MTMR3: variants seen among roughly 807,000 people sequenced by gnomAD.
The protein encoded by MTMR3 is phosphatidylinositol-3,5-bisphosphate 3-phosphatase MTMR3.
A neutral mutation model predicts 132.4 loss-of-function variants in MTMR3; 32 were observed. That is an observed-to-expected ratio of 0.24 (90% confidence interval 0.18 to 0.32). The LOEUF (loss-of-function observed/expected upper bound fraction) is 0.32. MTMR3 is among the 10% of genes least tolerant of loss of function. The pLI, the probability that MTMR3 is intolerant of heterozygous loss-of-function variation, is 1.00. For missense variants in MTMR3, 1,216 were observed against 1,489.6 expected (o/e 0.82, Z 3.02); for synonymous variants, 556 against 550.3 (o/e 1.01, Z -0.14).
chr22:29,898,231 A>C (rs2064940470), intron 1 of MTMR3, among the ~76,000 whole-genome samples: 1 of 152,232 alleles, frequency 6.6e-6, no homozygotes, highest in Non-Finnish European at 1.5e-5. Flanking sequence ...GTTTTCAACA[A>C]ATATACAAAG....
chr22:29,962,910 C>CTTTTTTTTT (rs892383539), intron 2 of MTMR3, among the ~76,000 whole-genome samples: 2 of 133,622 alleles, frequency 1.5e-5, no homozygotes, highest in African/African-American at 2.8e-5. Context: ...TCTCTTTTTT[C>CTTTTTTTTT]TTTTTTTTTT....
chr22:29,952,411 T>TG lies in MTMR3; in HGVS notation c.-137-4625_-137-4624insG, dbSNP rs962546655. ...ACATAGCTTCTGGTGTGTGTGTGTG[T>TG]TTTTTTTTTTAAAATCATGTTAGTT... is the stretch of plus-strand genomic sequence containing the variant. On this transcript the variant is annotated intron_variant, in intron 1 of 19. Coordinates refer to ENST00000401950, the MANE Select transcript of MTMR3 (RefSeq NM_021090.4). Among the ~76,000 whole-genome samples the TG allele has an allele frequency of 4.3e-4, 26 of 60,196 alleles. 1 individual carries two copies. The South Asian group carries it at 4.5e-3, about 10-fold the overall frequency. 39.5% of individuals were successfully genotyped at this position (60,196 alleles called of 152,430 possible).
intron 5 of MTMR3, chr22:29,980,930 T>G (rs3788420): frequency 0.35 from 53,556 of 152,002 alleles, 10,423 homozygotes; most frequent in East Asian, 0.72. Context: ...CTTTCCCCAT[T>G]ATCACATTTT....
In MTMR3 at chr22:30,020,629, C is replaced by A; in HGVS notation, c.2970C>A (p.His990Gln). 1.9e-6 allele frequency: 3 copies of A among 1,614,224 alleles called. No individual in the cohort carries two copies. The highest frequency in any genetic ancestry group is 2.5e-6 in the Non-Finnish European group (3 of 1,180,042). ...CCCACTTACACTCAAGGAACTTGCA[C>A]CACAAGTGGCTGCATAGCCACTCAG... ...SSAHLHSRNLHHKWLHSHSGR... is the reference protein window; with the variant it reads ...SSAHLHSRNLQHKWLHSHSGR... The change falls in exon 17 of 20, where the codon CAC becomes CAA. Residue 990 changes from histidine to glutamine, a missense_variant. By Grantham distance (24) the His-to-Gln change is conservative. Around this residue, in one of 7 missense-constraint regions of MTMR3, gnomAD observed 852 missense variants for 852.0 expected, o/e 1.00. Transcript: ENST00000401950.
rs986651359 is a variant in MTMR3, at chr22:29,949,066, C to G, written c.-137-7970C>G. Reference sequence around the variant, plus strand: ...TGAGCCACAATCATGCCACTGCACTCTAGCCTGGGCGACAGCGAGGCCCTG... The same window carrying G: ...TGAGCCACAATCATGCCACTGCACTGTAGCCTGGGCGACAGCGAGGCCCTG... On this transcript the variant is annotated intron_variant, in intron 1 of 19. Coordinates refer to ENST00000401950, the MANE Select transcript of MTMR3 (RefSeq NM_021090.4). Among the ~76,000 whole-genome samples the G allele has an allele frequency of 2.7e-5, 4 of 146,902 alleles. No homozygotes were observed. The South Asian group carries it at 8.8e-4, about 32-fold the overall frequency.
intron 4 of MTMR3, 127 bp downstream of exon 4, chr22:29,978,658 C>T (rs1381299171): frequency 1.5e-5 from 11 of 710,902 alleles, no homozygotes; most frequent in Admixed American, 3.0e-5. Flanking sequence ...GAAATGCAAG[C>T]TGGAAAACAT....
chr22:29,970,664 T>C (rs1220894430), intron 2 of MTMR3, among the ~76,000 whole-genome samples: 1 of 152,072 alleles, frequency 6.6e-6, no homozygotes, highest in Non-Finnish European at 1.5e-5. Flanking sequence ...ATTGTTGCTT[T>C]ATTCATCCAA....
intron 5 of MTMR3, chr22:29,979,554 T>G: frequency 4.9e-6 from 1 of 204,520 alleles, no homozygotes; most frequent in Admixed American, 5.6e-5. Flanking sequence ...TATGCTTGAT[T>G]TAAAATGATG....
intron 19 of MTMR3, chr22:30,025,134 C>T (rs2067881137): frequency 6.2e-6 from 1 of 162,494 alleles, no homozygotes; most frequent in Admixed American, 5.8e-5. Context: ...AGCAGTCTAT[C>T]TGCCATGTTG....
At chr22:29,954,126 G>A (rs931769260) in intron 1 of MTMR3, among the ~76,000 whole-genome samples, 2 of 133,182 alleles carry the variant, frequency 1.5e-5, no homozygotes, top group Non-Finnish European at 3.1e-5. Context: ...TGTCATCCAG[G>A]CTGAGAGTAC....
chr22:30,026,967 T>C lies in MTMR3; in HGVS notation c.*1166T>C, dbSNP rs1350109056. The C allele has an allele frequency of 1.3e-5, 2 of 152,810 alleles. No individual in the cohort carries two copies. The highest frequency in any genetic ancestry group is 2.4e-5 in the African/African-American group (1 of 41,448). The allele number at this position is 152,810 out of a possible 1,614,324, so 9.5% of individuals were successfully genotyped here. On this transcript the variant is annotated 3_prime_UTR_variant, in exon 20 of 20. Transcript: ENST00000401950. ...CACTTGTCTGGCTGCTGGCCAGCAG[T>C]GAAGGGCCACTTGGTGACTTCGTAG...
At chr22:29,972,461 A>C in intron 3 of MTMR3, among the ~76,000 whole-genome samples, 1 of 152,168 alleles carries the variant, frequency 6.6e-6, no homozygotes, top group Non-Finnish European at 1.5e-5. Flanking sequence ...GGGGAGTAGC[A>C]TGGCCATGTA....
intron 9 of MTMR3, chr22:30,005,404 G>A (rs150873109): frequency 1.8e-4 from 27 of 152,316 alleles, no homozygotes; most frequent in African/African-American, 6.3e-4. Context: ...CAAGATCCAG[G>A]CTGAAGAGCG....
intron 1 of MTMR3, among the ~76,000 whole-genome samples, chr22:29,942,744 G>A (rs898142198): frequency 1.3e-5 from 2 of 152,158 alleles, no homozygotes; most frequent in Non-Finnish European, 2.9e-5. Context: ...TGTTCCATCC[G>A]GCTCACCGGC....
intron 1 of MTMR3, among the ~76,000 whole-genome samples, chr22:29,923,041 A>AT (rs36099310): frequency 0.3 from 39,281 of 129,948 alleles, 6,690 homozygotes; most frequent in East Asian, 0.52. Context: ...CATCCAGCCA[A>AT]TTTTTTTTTT....
chr22:29,932,703 C>T (rs893708061), intron 1 of MTMR3, among the ~76,000 whole-genome samples: 2 of 151,998 alleles, frequency 1.3e-5, no homozygotes, highest in African/African-American at 4.8e-5. Context: ...GTTCATGTAC[C>T]TACGACCTAA....
intron 2 of MTMR3, among the ~76,000 whole-genome samples, chr22:29,962,918 T>G: frequency 6.7e-6 from 1 of 150,092 alleles, no homozygotes; most frequent in South Asian, 2.1e-4. Context: ...TTCTTTTTTT[T>G]TTTTTTTTGA....
chr22:29,885,833 TGGAA>T (rs1477406222), intron 1 of MTMR3, among the ~76,000 whole-genome samples: 1 of 152,198 alleles, frequency 6.6e-6, no homozygotes, highest in Non-Finnish European at 1.5e-5. Context: ...TTCAGTAAAG[TGGAA>T]TGCTGTTACC....
chr22:30,014,305 GT>G (rs1337137318), intron 14 of MTMR3: 1 of 152,210 alleles, frequency 6.6e-6, no homozygotes, highest in Non-Finnish European at 1.5e-5. Context: ...CCAGTGAGAA[GT>G]TCTCAGTCTT....
Sources: gnomAD v4.1 joint callset for allele counts (sites outside exome capture counted in the v4.1 genomes callset) on GRCh38, gnomAD v4.1.1 for gene constraint, gnomAD v4.1.1 regional missense constraint, MANE v1.5 for transcripts, NCBI Gene and HGNC (gene_info 2026-07-23, HGNC 2026-07-21) for gene names.